The following KIF18A variants were observed in gnomAD, a reference collection of about 807,000 sequenced individuals.
KIF18A encodes the protein kinesin family member 18A, also known as kinesin-like protein KIF18A.
In KIF18A, 67 loss-of-function variants were observed where a neutral mutation model predicts 103.3. That is an observed-to-expected ratio of 0.65 (90% CI 0.53 to 0.79). The LOEUF is 0.79. Among genes scored for constraint, KIF18A ranks in the 30% least tolerant of loss-of-function variants. The pLI is 0.00. For missense variants in KIF18A, 1,032 were observed against 1,062.5 expected (o/e 0.97, Z 0.40); for synonymous variants, 367 against 355.5 (o/e 1.03, Z -0.36).
intron 1 of KIF18A, among the ~76,000 whole-genome samples, chr11:28,099,746 C>T (rs934341757): frequency 2.6e-5 from 4 of 151,906 alleles, no homozygotes; most frequent in African/African-American, 9.7e-5. Context: ...TTTATGTTGG[C>T]CAGAATGGAG....
intron 1 of KIF18A, among the ~76,000 whole-genome samples, chr11:28,105,517 C>A (rs780589681): frequency 6.6e-6 from 1 of 152,112 alleles, no homozygotes; most frequent in Admixed American, 6.5e-5. Context: ...TAAATTAATA[C>A]GTCTATCACC....
chr11:28,105,790 T>C (rs1289257463), intron 1 of KIF18A, among the ~76,000 whole-genome samples: 5 of 152,312 alleles, frequency 3.3e-5, no homozygotes, highest in Admixed American at 6.5e-5. Context: ...TAGATTAGGT[T>C]GATATGGTGA....
intron 11 of KIF18A, among the ~76,000 whole-genome samples, chr11:28,063,120 T>C (rs1850876863): frequency 6.6e-6 from 1 of 152,054 alleles, no homozygotes; most frequent in African/African-American, 2.4e-5. Context: ...TCACCTTTGG[T>C]TGGATGACAT....
intron 13 of KIF18A, among the ~76,000 whole-genome samples, chr11:28,041,938 CT>C (rs36074580): frequency 1.1e-4 from 17 of 148,478 alleles, no homozygotes; most frequent in South Asian, 2.1e-4. Context: ...CTTTGGCATT[CT>C]TTTTTTTTTG....
chr11:28,039,267 A>G (rs1850530530), intron 13 of KIF18A, among the ~76,000 whole-genome samples: 1 of 151,748 alleles, frequency 6.6e-6, no homozygotes, highest in African/African-American at 2.4e-5. Flanking sequence ...CCAATCATCA[A>G]AAACTTACTG....
At chr11:28,033,979 A>G (rs1850446033) in intron 15 of KIF18A, among the ~76,000 whole-genome samples, 1 of 151,634 alleles carries the variant, frequency 6.6e-6, no homozygotes, top group Non-Finnish European at 1.5e-5. Flanking sequence ...TACACCTACT[A>G]CGTACCCACA....
intron 12 of KIF18A, among the ~76,000 whole-genome samples, chr11:28,060,596 G>A (rs1850845153): frequency 6.6e-6 from 1 of 152,054 alleles, no homozygotes; most frequent in African/African-American, 2.4e-5. Flanking sequence ...TATCATAGTA[G>A]GTCTGACACT....
chr11:28,029,090 T>C (rs1338697684), intron 15 of KIF18A, among the ~76,000 whole-genome samples: 1 of 152,214 alleles, frequency 6.6e-6, no homozygotes, highest in Non-Finnish European at 1.5e-5. Flanking sequence ...AGCTGAATTC[T>C]ACCAGAGGTA....
chr11:28,092,090 C>A (rs748696586), intron 3 of KIF18A, among the ~76,000 whole-genome samples: 2 of 152,294 alleles, frequency 1.3e-5, no homozygotes, highest in South Asian at 4.1e-4. Flanking sequence ...GCTGGGATTA[C>A]AGGCGTGAGC....
At chr11:28,024,084 G>A (rs1850281763) in intron 15 of KIF18A, among the ~76,000 whole-genome samples, 1 of 151,132 alleles carries the variant, frequency 6.6e-6, no homozygotes, top group Admixed American at 6.6e-5. Flanking sequence ...ATGATTGTAG[G>A]TGTATGTTAC....
intron 1 of KIF18A, among the ~76,000 whole-genome samples, chr11:28,107,467 C>A (rs1272934845): frequency 6.6e-6 from 1 of 152,032 alleles, no homozygotes; most frequent in Admixed American, 6.6e-5. Flanking sequence ...AGAGCATTTG[C>A]CAAACAGTAT....
chr11:28,031,652 C>T (rs1476640783), intron 15 of KIF18A, among the ~76,000 whole-genome samples: 1 of 149,582 alleles, frequency 6.7e-6, no homozygotes, highest in Non-Finnish European at 1.5e-5. Flanking sequence ...GCACGTTATG[C>T]ACATGTACCG....
At position 28,075,402 on chromosome 11, in the gene KIF18A, TA is replaced by T. The variant is rs1279757138; in HGVS notation, c.1425+1604del. 4.6e-5 allele frequency among the ~76,000 whole-genome samples: 7 copies of T among 152,300 alleles called. No individual in the cohort carries two copies. In the East Asian group the frequency reaches 1.3e-3, roughly 29 times the overall value. ...TGATTATTAGGATAATATTACTAAA[TA>T]TTTCATGGGGTTTTCTGAGAATTAA... On this transcript the variant is annotated intron_variant, in intron 10 of 16. Coordinates refer to ENST00000263181, the MANE Select transcript of KIF18A (RefSeq NM_031217.4).
At chr11:28,090,201 T>C (rs570768671) in intron 5 of KIF18A, among the ~76,000 whole-genome samples, 3 of 152,196 alleles carry the variant, frequency 2.0e-5, no homozygotes, top group Non-Finnish European at 4.4e-5. Flanking sequence ...AACTGAATCA[T>C]ACTTCCTTAA....
At chr11:28,103,182 AGG>A (rs1250043083) in intron 1 of KIF18A, among the ~76,000 whole-genome samples, 4 of 152,196 alleles carry the variant, frequency 2.6e-5, no homozygotes, top group South Asian at 2.1e-4. Flanking sequence ...CATTATAATC[AGG>A]TTGAGCATTC....
At chr11:28,041,098 C>T (rs2133501259) in intron 13 of KIF18A, among the ~76,000 whole-genome samples, 1 of 151,888 alleles carries the variant, frequency 6.6e-6, no homozygotes, top group East Asian at 1.9e-4. Flanking sequence ...ATTCACTGTT[C>T]ATCCCACCCA....
intron 10 of KIF18A, 34 bp downstream of exon 10, chr11:28,076,973 C>G: frequency 7.6e-6 from 4 of 526,008 alleles, no homozygotes; most frequent in Non-Finnish European, 1.2e-5. Context: ...TGTTTTTATA[C>G]TTTCTAAAAT....
intron 5 of KIF18A, among the ~76,000 whole-genome samples, chr11:28,089,663 T>C (rs1349093753): frequency 6.6e-6 from 1 of 152,214 alleles, no homozygotes; most frequent in Non-Finnish European, 1.5e-5. Context: ...TGTTGTTGAC[T>C]GAAATGTCGT....
In KIF18A at chr11:28,054,811, A is replaced by T. The variant is rs147128185; in HGVS notation, c.1948+4115T>A. Among the ~76,000 whole-genome samples the T allele has an allele frequency of 4.1e-3, 626 of 152,340 alleles. 2 individuals carry two copies. Among genetic ancestry groups the T allele is most frequent in the Non-Finnish European group, 6.8e-3 (463 of 68,018 alleles). On this transcript the variant is annotated intron_variant, in intron 13 of 16. Coordinates refer to ENST00000263181, the MANE Select transcript of KIF18A (RefSeq NM_031217.4). Reference sequence around the variant, plus strand: ...TATGTGTTCAAGAGAAAACACGTTAATTATAAAATGTAACATGGCTTCAAG... The same window carrying T: ...TATGTGTTCAAGAGAAAACACGTTATTTATAAAATGTAACATGGCTTCAAG...
Sources: gnomAD v4.1 joint callset for allele counts (sites outside exome capture counted in the v4.1 genomes callset) on GRCh38, gnomAD v4.1.1 for gene constraint, MANE v1.5 for transcripts, NCBI Gene and HGNC (gene_info 2026-07-23, HGNC 2026-07-21) for gene names.